The following PDE4D variants were observed in gnomAD, a reference collection of about 807,000 sequenced individuals.
The protein encoded by PDE4D is phosphodiesterase 4D, also known as 3',5'-cyclic-AMP phosphodiesterase 4D.
A neutral mutation model predicts 87.4 loss-of-function variants in PDE4D; 24 were observed. That is an observed-to-expected ratio of 0.27 (90% CI 0.20 to 0.39). The LOEUF is 0.39. PDE4D is among the 10% of genes least tolerant of loss of function. The probability of loss-of-function intolerance (pLI) is 1.00; values close to 1 mark genes in which losing one functional copy is unlikely to be tolerated. For missense variants in PDE4D, 714 were observed against 1,041.0 expected, an observed-to-expected ratio of 0.69 and a Z score of 4.32; for synonymous variants, 384 against 383.2, an observed-to-expected ratio of 1.00 and a Z score of -0.02.
intron 5 of PDE4D, among the ~76,000 whole-genome samples, chr5:59,131,295 AT>A (rs979517739): frequency 6.6e-6 from 1 of 151,990 alleles, no homozygotes; most frequent in Non-Finnish European, 1.5e-5. Context: ...TTGTGACTAT[AT>A]TTTTCACTTT....
intron 1 of PDE4D, among the ~76,000 whole-genome samples, chr5:59,631,444 T>A (rs1831551555): frequency 6.6e-6 from 1 of 152,138 alleles, no homozygotes; most frequent in Non-Finnish European, 1.5e-5. Flanking sequence ...ATTTTTCAAT[T>A]GTAAGAGAAT....
chr5:59,478,968 A>T (rs1319842223), intron 1 of PDE4D, among the ~76,000 whole-genome samples: 1 of 152,124 alleles, frequency 6.6e-6, no homozygotes, highest in African/African-American at 2.4e-5. Flanking sequence ...AATGATGTGC[A>T]TAACTGTATG....
rs1029395846 is a variant in PDE4D, at chr5:60,084,927, A to C, written c.43-96210T>G. 3.9e-5 allele frequency among the ~76,000 whole-genome samples: 6 copies of C among 152,248 alleles called. No homozygotes were observed. In the East Asian group the frequency reaches 1.2e-3, roughly 29 times the overall value. On this transcript the variant is annotated intron_variant, in intron 2 of 16. Coordinates refer to the PDE4D transcript ENST00000502484. ...CCTGATTGATATAATACGGGCCTCCAGGATGCAATGTCTACACAAAGACCA... is the reference window on the plus strand; with the variant it reads ...CCTGATTGATATAATACGGGCCTCCCGGATGCAATGTCTACACAAAGACCA...
chr5:60,155,768 T>A (rs1781912101), intron 2 of PDE4D, among the ~76,000 whole-genome samples: 1 of 151,892 alleles, frequency 6.6e-6, no homozygotes, highest in African/African-American at 2.4e-5. Context: ...GCTCATATAA[T>A]TTCAGAGGCC....
At chr5:59,553,027 C>T (rs1387339169) in intron 1 of PDE4D, among the ~76,000 whole-genome samples, 2 of 152,148 alleles carry the variant, frequency 1.3e-5, no homozygotes, top group South Asian at 2.1e-4. Context: ...CTGTGCCTGA[C>T]ATCTTTTGAA....
intron 2 of PDE4D, among the ~76,000 whole-genome samples, chr5:60,151,459 G>A (rs1781488917): frequency 6.6e-6 from 1 of 151,970 alleles, no homozygotes. Context: ...ATAGTTTTCA[G>A]TCTTTCACCT....
At chr5:59,028,654 C>A (rs1283059474) in intron 6 of PDE4D, among the ~76,000 whole-genome samples, 5 of 151,808 alleles carry the variant, frequency 3.3e-5, no homozygotes, top group Non-Finnish European at 7.4e-5. Context: ...TGCTCTAAAT[C>A]CACGGACCAT....
intron 1 of PDE4D, among the ~76,000 whole-genome samples, chr5:60,296,687 C>A (rs1041028907): frequency 1.3e-5 from 2 of 152,096 alleles, no homozygotes; most frequent in Non-Finnish European, 2.9e-5. Flanking sequence ...AGATTTAGAA[C>A]CAACCCAAAT....
intron 2 of PDE4D, among the ~76,000 whole-genome samples, chr5:60,043,659 T>C (rs929274729): frequency 4.4e-5 from 4 of 91,528 alleles, no homozygotes; most frequent in Non-Finnish European, 6.6e-5. Context: ...GGAATTTTCT[T>C]TTTTTTTTTT....
At chr5:59,172,766 C>T (rs1783219141) in intron 5 of PDE4D, 1 of 151,860 alleles carries the variant, frequency 6.6e-6, no homozygotes, top group South Asian at 2.1e-4. Flanking sequence ...TGGCATTTAG[C>T]TAGTACTTAA....
At chr5:59,718,652 C>G (rs1755373496) in intron 1 of PDE4D, among the ~76,000 whole-genome samples, 1 of 152,118 alleles carries the variant, frequency 6.6e-6, no homozygotes. Context: ...AACATCCATA[C>G]TGTAAGAACA....
rs34128632 is a variant in PDE4D at position 58,970,908 on chromosome 5, T to TAAAAAA, written c.*3750_*3755dup. 1 of 137,272 alleles carries TAAAAAA rather than the reference T, an allele frequency of 7.3e-6. No individual in the cohort carries two copies. 8.5% of individuals were successfully genotyped at this position (137,272 alleles called of 1,614,324 possible). On this transcript the variant is annotated 3_prime_UTR_variant, in exon 15 of 15. Coordinates refer to ENST00000340635, the MANE Select transcript of PDE4D (RefSeq NM_001104631.2). ...TATTTCCCCAGTTGTGTTTCCGAGTTAAAAAAAAAAAAAAAGGAAATAATC... is the reference window on the plus strand; with the variant it reads ...TATTTCCCCAGTTGTGTTTCCGAGTTAAAAAAAAAAAAAAAAAAAAAGGAAATAATC...
chr5:59,959,657 C>A (rs148992713), intron 3 of PDE4D, among the ~76,000 whole-genome samples: 104 of 152,156 alleles, frequency 6.8e-4, no homozygotes, highest in Admixed American at 2.4e-3. Flanking sequence ...TGGCTAACCA[C>A]ATGCAGAAGA....
chr5:59,969,974 T>G (rs921569089), intron 3 of PDE4D, among the ~76,000 whole-genome samples: 1 of 152,214 alleles, frequency 6.6e-6, no homozygotes, highest in African/African-American at 2.4e-5. Flanking sequence ...TGTGACTGCA[T>G]GCACACTACA....
intron 2 of PDE4D, among the ~76,000 whole-genome samples, chr5:60,062,732 G>A (rs1771544844): frequency 6.6e-6 from 1 of 152,146 alleles, no homozygotes; most frequent in South Asian, 2.1e-4. Flanking sequence ...ATACTATACA[G>A]CCACAAATAG....
intron 5 of PDE4D, among the ~76,000 whole-genome samples, chr5:59,066,495 T>A (rs114244273): frequency 2.2e-3 from 335 of 152,154 alleles, no homozygotes; most frequent in Non-Finnish European, 3.9e-3. Context: ...TACAGCAGAA[T>A]GCATGTGTGG....
chr5:60,223,668 C>T (rs1744758296), intron 1 of PDE4D, among the ~76,000 whole-genome samples: 1 of 152,022 alleles, frequency 6.6e-6, no homozygotes, highest in Admixed American at 6.6e-5. Context: ...TAAATGGACA[C>T]AGGAAGAGAT....
At chr5:59,936,833 C>T (rs2093353831) in intron 3 of PDE4D, among the ~76,000 whole-genome samples, 2 of 152,130 alleles carry the variant, frequency 1.3e-5, no homozygotes, top group African/African-American at 2.4e-5. Context: ...ATGCACAATG[C>T]ATGTATCTTT....
At position 60,320,989 on chromosome 5, in the gene PDE4D, C is replaced by T. The variant is rs188672515; in HGVS notation, c.-89-135302G>A. On this transcript the variant is annotated intron_variant, in intron 1 of 16. Transcript: ENST00000502484. The stretch of plus-strand genomic sequence containing the variant: ...CGGTCATATTGCCCAAAGCAATTTA[C>T]GGATTCAATGCCATTCCTGTCAAAC... Among the ~76,000 whole-genome samples, 7 of 152,236 alleles carry T rather than the reference C, an allele frequency of 4.6e-5. No individual in the cohort carries two copies. In the South Asian group the frequency reaches 8.3e-4, roughly 18 times the overall value.
Sources: allele counts gnomAD v4.1 joint callset (sites outside exome capture counted in the v4.1 genomes callset), GRCh38; gene constraint gnomAD v4.1.1; transcripts MANE v1.5; gene names NCBI Gene and HGNC (gene_info 2026-07-23, HGNC 2026-07-21).